The following METTL14 variants were observed in gnomAD, a reference collection of about 807,000 sequenced individuals.
METTL14 encodes methyltransferase 14, N6-adenosine-methyltransferase non-catalytic subunit.
Under a neutral mutation model 62.4 loss-of-function variants are expected in METTL14, and 32 were observed. That is an observed-to-expected ratio of 0.51 (90% CI 0.39 to 0.69). METTL14 has a LOEUF of 0.69. Among genes scored for constraint, METTL14 ranks in the 30% least tolerant of loss-of-function variants. METTL14 has a pLI of 0.00. For missense variants in METTL14, 340 were observed against 551.9 expected, an observed-to-expected ratio of 0.62 and a Z score of 3.85; for synonymous variants, 150 against 180.0, an observed-to-expected ratio of 0.83 and a Z score of 1.34.
chr4:118,712,225 G>A lies in METTL14; in HGVS notation c.*1923G>A, dbSNP rs1280552309. The A allele has an allele frequency of 6.6e-6, 1 of 152,164 alleles. No homozygotes were observed. The highest frequency in any genetic ancestry group is 2.4e-5 in the African/African-American group (1 of 41,446). The allele number at this position is 152,164 out of a possible 1,614,324, so 9.4% of individuals were successfully genotyped here. Reference sequence around the variant, plus strand: ...TTGAGGTGTTGTTTTTGCAATGACTGTGTATTCATTGAGGAAAGGTTTCCA... The same window carrying A: ...TTGAGGTGTTGTTTTTGCAATGACTATGTATTCATTGAGGAAAGGTTTCCA... On this transcript the variant is annotated 3_prime_UTR_variant, in exon 11 of 11. Transcript: ENST00000388822.
intron 8 of METTL14, 36 bp from the exon 9 acceptor site, chr4:118,703,896 TAAG>T (rs548957521): frequency 8.4e-7 from 1 of 1,197,060 alleles, no homozygotes; most frequent in Non-Finnish European, 1.2e-6. Context: ...TTTATTTCTT[TAAG>T]TTAAGGATTT....
At chr4:118,690,595 G>A (rs1472765204) in intron 3 of METTL14, among the ~76,000 whole-genome samples, 1 of 151,220 alleles carries the variant, frequency 6.6e-6, no homozygotes, top group Non-Finnish European at 1.5e-5. Context: ...CAGGAGAATC[G>A]CTTGAACCTG....
In METTL14 at chr4:118,714,257, A is replaced by G. The variant is rs975177640; in HGVS notation, c.*3955A>G. 1.3e-5 allele frequency: 2 copies of G among 152,168 alleles called. No individual in the cohort carries two copies. The highest frequency in any genetic ancestry group is 2.4e-5 in the African/African-American group (1 of 41,418). The allele number at this position is 152,168 out of a possible 1,614,324, so 9.4% of individuals were successfully genotyped here. A position where few individuals can be genotyped will look rare whatever the true frequency, so the allele number is the denominator to read the frequency against. ...CATCCATCTATCTGTGCTTTTTCTC[A>G]CTTTGATGAGTTCTCTCAACTCCTT... On this transcript the variant is annotated 3_prime_UTR_variant, in exon 11 of 11. Transcript: ENST00000388822.
At chr4:118,702,912 G>C (rs1340935582) in intron 8 of METTL14, among the ~76,000 whole-genome samples, 3 of 147,172 alleles carry the variant, frequency 2.0e-5, no homozygotes, top group Admixed American at 6.8e-5. Flanking sequence ...GATTTCCTGT[G>C]GTGGAAAGGA....
intron 10 of METTL14, among the ~76,000 whole-genome samples, chr4:118,706,730 C>T (rs529581659): frequency 1.9e-4 from 29 of 152,326 alleles, no homozygotes; most frequent in African/African-American, 6.7e-4. Flanking sequence ...TCTGCATCCT[C>T]ACCAGCATTT....
chr4:118,709,574 C>G (rs1724858845), intron 10 of METTL14, among the ~76,000 whole-genome samples: 2 of 152,090 alleles, frequency 1.3e-5, no homozygotes, highest in Non-Finnish European at 1.5e-5. Context: ...TTTCTCAGAC[C>G]TATCAACTGA....
In METTL14 at chr4:118,695,659, A is replaced by G. The variant is rs139082797; in HGVS notation, c.503+1133A>G. The stretch of plus-strand genomic sequence containing the variant: ...GAAAGGAAGAAAACAAATATTAATT[A>G]CAGCTTAGCATTCTGAGATACTATT... On this transcript the variant is annotated intron_variant, in intron 6 of 10. Coordinates refer to ENST00000388822, the MANE Select transcript of METTL14 (RefSeq NM_020961.4). Among the ~76,000 whole-genome samples the G allele has an allele frequency of 7.5e-3, 1,141 of 152,322 alleles. 19 individuals are homozygous for G. Among genetic ancestry groups the G allele is most frequent in the African/African-American group, 0.026 (1,088 of 41,574 alleles).
At chr4:118,686,732 C>A (rs756375666) in intron 1 of METTL14, 8 of 440,150 alleles carry the variant, frequency 1.8e-5, no homozygotes, top group South Asian at 1.3e-4. Flanking sequence ...CCACAGAAGA[C>A]GTTTTACTCC....
rs1162337253 is a variant in METTL14, at chr4:118,712,199, GT to G, written c.*1899del. ...TTGCTAACTTTCACTTTCAGTAAAGGTTGAGGTGTTGTTTTTGCAATGACTG... is the reference window on the plus strand; with the variant it reads ...TTGCTAACTTTCACTTTCAGTAAAGGTGAGGTGTTGTTTTTGCAATGACTG... On this transcript the variant is annotated 3_prime_UTR_variant, in exon 11 of 11. Transcript: ENST00000388822. 6.6e-6 allele frequency: 1 copy of G among 152,186 alleles called. No individual in the cohort carries two copies. The highest frequency in any genetic ancestry group is 1.9e-4 in the East Asian group (1 of 5,198). The allele number at this position is 152,186 out of a possible 1,614,324, so 9.4% of individuals were successfully genotyped here.
rs1724938949 is a variant in METTL14 at position 118,712,076 on chromosome 4, A to T, written c.*1774A>T. 1 of 152,258 alleles carries T rather than the reference A, an allele frequency of 6.6e-6. No individual in the cohort carries two copies. Among genetic ancestry groups the T allele is most frequent in the Non-Finnish European group, 1.5e-5 (1 of 68,044 alleles). The allele number at this position is 152,258 out of a possible 1,614,324, so 9.4% of individuals were successfully genotyped here. A position where few individuals can be genotyped will look rare whatever the true frequency, so the allele number is the denominator to read the frequency against. ...TATTTAGGAAAAAGTTATTTAAAAA[A>T]GAGCAGATGGTGGAAAAAGAATGTA... On this transcript the variant is annotated 3_prime_UTR_variant, in exon 11 of 11. Coordinates refer to ENST00000388822, the MANE Select transcript of METTL14 (RefSeq NM_020961.4).
intron 6 of METTL14, among the ~76,000 whole-genome samples, chr4:118,696,300 G>C (rs1724410795): frequency 6.6e-6 from 1 of 151,714 alleles, no homozygotes; most frequent in East Asian, 1.9e-4. Context: ...GGGTCTCACT[G>C]TCTCTATTTT....
intron 8 of METTL14, among the ~76,000 whole-genome samples, chr4:118,702,148 C>T (rs1201202586): frequency 1.4e-5 from 2 of 141,372 alleles, no homozygotes; most frequent in Non-Finnish European, 3.0e-5. Context: ...GAGGCAGAGC[C>T]TTGCTCTGTC....
Position 118,705,652 on chromosome 4 carries a change from C to G in METTL14, c.897C>G (p.Ser299Arg). 2 of 1,614,174 alleles carry G rather than the reference C, an allele frequency of 1.2e-6. No homozygotes were observed. Among genetic ancestry groups the G allele is most frequent in the Non-Finnish European group, 1.7e-6 (2 of 1,180,020 alleles). ...GGATCAAAGGAACTGTGAAGCGTAG[C>G]ACAGACGGGGACTTCATTCATGCTA... is the stretch of plus-strand genomic sequence containing the variant. ...LMGIKGTVKR[S>R]TDGDFIHANV... Residue 299 changes from serine to arginine, a missense_variant, in exon 10 of 11, where the codon AGC becomes AGG. Physicochemically the swap from Ser to Arg is moderately radical, Grantham distance 110 (BLOSUM62 -1). Coordinates refer to ENST00000388822, the MANE Select transcript of METTL14 (RefSeq NM_020961.4).
chr4:118,701,172 A>AGTTTTTTTTT (rs72524034), intron 8 of METTL14, among the ~76,000 whole-genome samples: 1 of 137,380 alleles, frequency 7.3e-6, no homozygotes, highest in East Asian at 2.0e-4. Context: ...TTTTTATTGG[A>AGTTTTTTTTT]GTTTTTTTTT....
At chr4:118,694,916 C>T (rs1579069148) in intron 6 of METTL14, among the ~76,000 whole-genome samples, 1 of 152,104 alleles carries the variant, frequency 6.6e-6, no homozygotes, top group Non-Finnish European at 1.5e-5. Context: ...ATTCTCATGC[C>T]TCAGCCTTCT....
intron 6 of METTL14, among the ~76,000 whole-genome samples, chr4:118,695,062 C>T (rs530382323): frequency 6.6e-6 from 1 of 151,168 alleles, no homozygotes; most frequent in African/African-American, 2.4e-5. Context: ...AAACTCCTGA[C>T]CTTGGGTGAT....
chr4:118,693,923 T>A (rs1724324696), intron 5 of METTL14, among the ~76,000 whole-genome samples: 1 of 152,180 alleles, frequency 6.6e-6, no homozygotes. Flanking sequence ...CTTTTGGTTT[T>A]TAAATTAGGA....
At chr4:118,692,374 A>T (rs1253317196) in intron 5 of METTL14, among the ~76,000 whole-genome samples, 3 of 150,074 alleles carry the variant, frequency 2.0e-5, no homozygotes, top group African/African-American at 4.9e-5. Context: ...GATTACAGGC[A>T]CCCCCCACCG....
intron 2 of METTL14, 51 bp from the exon 3 acceptor site, chr4:118,689,319 A>T: frequency 1.0e-6 from 1 of 987,854 alleles, no homozygotes; most frequent in South Asian, 1.6e-5. Flanking sequence ...TAATAGATGC[A>T]TTTATACATC....
Sources: allele counts gnomAD v4.1 joint callset (sites outside exome capture counted in the v4.1 genomes callset), GRCh38; gene constraint gnomAD v4.1.1; transcripts MANE v1.5; gene names NCBI Gene and HGNC (gene_info 2026-07-23, HGNC 2026-07-21).